ANKRD28: variants seen among roughly 807,000 people sequenced by gnomAD.
The protein encoded by ANKRD28 is ankyrin repeat domain 28.
A neutral mutation model predicts 126.5 loss-of-function variants in ANKRD28; 44 were observed. That is an observed-to-expected ratio of 0.35 (90% CI 0.27 to 0.45). ANKRD28 has a LOEUF of 0.45. Ranked by LOEUF, ANKRD28 falls within the 20% of genes least tolerant of loss-of-function variation. ANKRD28 has a pLI of 1.00. For synonymous variants in ANKRD28, 442 were observed against 468.5 expected, an observed-to-expected ratio of 0.94 and a Z score of 0.73; for missense variants, 1,110 against 1,316.6, an observed-to-expected ratio of 0.84 and a Z score of 2.43.
intron 4 of ANKRD28, among the ~76,000 whole-genome samples, chr3:15,740,433 G>C (rs763637381): frequency 6.6e-6 from 1 of 152,234 alleles, no homozygotes; most frequent in Non-Finnish European, 1.5e-5. Flanking sequence ...CAAAAATTAT[G>C]GAAAACAAGG....
intron 27 of ANKRD28, among the ~76,000 whole-genome samples, chr3:15,671,743 C>A (rs1432076776): frequency 2.0e-5 from 3 of 151,922 alleles, no homozygotes; most frequent in African/African-American, 4.8e-5. Flanking sequence ...GCCACCATGA[C>A]CAGCTAATTT....
rs575109590 is a variant in ANKRD28, at chr3:15,804,195, T to A, written c.28-8889A>T. Among the ~76,000 whole-genome samples, 43 of 131,064 alleles carry A rather than the reference T, an allele frequency of 3.3e-4. 2 individuals are homozygous for A. Among genetic ancestry groups the A allele is most frequent in the Non-Finnish European group, 6.0e-4 (37 of 61,328 alleles). The allele number at this position is 131,064 out of a possible 152,430, so 86.0% of individuals were successfully genotyped here. A position where few individuals can be genotyped will look rare whatever the true frequency, so the allele number is the denominator to read the frequency against. ...GCAACTTAAATAGGGCATTATGTCA[T>A]ACACGTAAAAATCTAACCAGTACAA... On this transcript the variant is annotated intron_variant, in intron 1 of 27. Transcript: ENST00000399451.
intron 18 of ANKRD28, 174 bp from the exon 19 acceptor site, chr3:15,686,483 C>T (rs1375830618): frequency 1.6e-6 from 1 of 615,978 alleles, no homozygotes; most frequent in Non-Finnish European, 2.8e-6. Context: ...ACTGTTAAAG[C>T]TGGAATAAAT....
At chr3:15,776,059 C>T (rs1261680347) in intron 2 of ANKRD28, among the ~76,000 whole-genome samples, 2 of 152,158 alleles carry the variant, frequency 1.3e-5, no homozygotes, top group Non-Finnish European at 2.9e-5. Flanking sequence ...AGACACTTAT[C>T]ACCCCAGAAA....
In ANKRD28 at chr3:15,669,685, A is replaced by C. The variant is rs2066172077; in HGVS notation, c.*585T>G. The C allele has an allele frequency of 6.6e-6, 1 of 152,564 alleles. No homozygotes were observed. The highest frequency in any genetic ancestry group is 2.4e-5 in the African/African-American group (1 of 41,420). 9.5% of individuals were successfully genotyped at this position (152,564 alleles called of 1,614,324 possible). ...TTTCAGATGTTTTCTTAAAAAAAAA[A>C]CAAAACCCAAAAAAACTCAACATTT... On this transcript the variant is annotated 3_prime_UTR_variant, in exon 28 of 28. Transcript: ENST00000683139.
At chr3:15,781,241 T>C (rs1020244751) in intron 2 of ANKRD28, among the ~76,000 whole-genome samples, 3 of 152,130 alleles carry the variant, frequency 2.0e-5, no homozygotes, top group Admixed American at 6.6e-5. Context: ...ATTTTAGGTG[T>C]CCATCTGACT....
chr3:15,734,257 T>A (rs1217478064), intron 6 of ANKRD28, among the ~76,000 whole-genome samples: 1 of 152,216 alleles, frequency 6.6e-6, no homozygotes, highest in African/African-American at 2.4e-5. Flanking sequence ...AGTTCTTGAG[T>A]TAATATTCCT....
In ANKRD28 at chr3:15,859,548, G is replaced by A. The variant is rs1213971925; in HGVS notation, c.-145C>T. ...GCGGCCGACTGCGCTGAGAAGACCT[G>A]CGGGCAGGGGGCGGCGCCGCCTCCC... On this transcript the variant is annotated 5_prime_UTR_variant, in exon 1 of 28. Transcript: ENST00000399451. 12 of 319,000 alleles carry A rather than the reference G, an allele frequency of 3.8e-5. 1 individual carries two copies. The highest frequency in any genetic ancestry group is 1.7e-4 in the East Asian group (2 of 12,096). The allele number at this position is 319,000 out of a possible 1,614,324, so 19.8% of individuals were successfully genotyped here. A position where few individuals can be genotyped will look rare whatever the true frequency, so the allele number is the denominator to read the frequency against.
chr3:15,685,903 G>A (rs1422102783), intron 20 of ANKRD28, 99 bp downstream of exon 20: 9 of 913,670 alleles, frequency 9.9e-6, no homozygotes, highest in Middle Eastern at 4.6e-4. Context: ...ACTATTTGAC[G>A]AACATTTAAT....
At chr3:15,801,154 G>T (rs1450060019), upstream of ANKRD28, among the ~76,000 whole-genome samples, 3 of 152,030 alleles carry the variant, frequency 2.0e-5, no homozygotes, top group Non-Finnish European at 2.9e-5. This position sits in a 1 kb window ranked among gnomAD's most constrained non-coding sequence, Gnocchi z 4.9. Context: ...AACTCTGACA[G>T]CTTTATAATC....
chr3:15,851,388 A>C (rs982227204), intron 1 of ANKRD28, among the ~76,000 whole-genome samples: 1 of 151,934 alleles, frequency 6.6e-6, no homozygotes, highest in Non-Finnish European at 1.5e-5. Context: ...CCAAAAATAA[A>C]AAAAAATTAG....
chr3:15,717,131 C>CTTTA (rs759485583), intron 8 of ANKRD28, among the ~76,000 whole-genome samples: 50 of 152,034 alleles, frequency 3.3e-4, no homozygotes, highest in South Asian at 2.5e-3. Context: ...GTGATGAGTC[C>CTTTA]TTTATTTATT....
Position 15,688,716 on chromosome 3 carries a change from T to C in ANKRD28, c.1963+1303A>G, listed in dbSNP as rs538645114. On this transcript the variant is annotated intron_variant, in intron 18 of 27. Coordinates refer to ENST00000683139, the MANE Select transcript of ANKRD28 (RefSeq NM_001349278.2). The stretch of plus-strand genomic sequence containing the variant: ...ATTCTTAAGGATCACTCTATAAAAA[T>C]AGAGAGTTGTGAATCTGCATCTGCC... Among the ~76,000 whole-genome samples, 7 of 152,246 alleles carry C rather than the reference T, an allele frequency of 4.6e-5. 1 individual carries two copies. The South Asian group carries it at 1.2e-3, about 27-fold the overall frequency.
intron 8 of ANKRD28, among the ~76,000 whole-genome samples, chr3:15,716,005 T>G (rs1407733914): frequency 6.6e-6 from 1 of 151,954 alleles, no homozygotes; most frequent in Non-Finnish European, 1.5e-5. Context: ...TTTTTTTTTT[T>G]TGAGACTTGC....
Position 15,838,919 on chromosome 3 carries a change from C to A in ANKRD28, c.27+20458G>T, listed in dbSNP as rs1467092784. Among the ~76,000 whole-genome samples, 143 of 152,274 alleles carry A rather than the reference C, an allele frequency of 9.4e-4. No homozygotes were observed. Among genetic ancestry groups the A allele is most frequent in the African/African-American group, 3.4e-3 (141 of 41,538 alleles). On this transcript the variant is annotated intron_variant, in intron 1 of 27. Coordinates refer to the ANKRD28 transcript ENST00000399451. This position sits in a 1 kb window ranked among gnomAD's most constrained non-coding sequence, Gnocchi z 4.0. ...TGTGATATATCCATACAATGGAATACTATTCAGCAACGAAGAACCAATTAA... is the reference window on the plus strand; with the variant it reads ...TGTGATATATCCATACAATGGAATAATATTCAGCAACGAAGAACCAATTAA...
At chr3:15,731,255 G>A (rs1383157925) in intron 6 of ANKRD28, among the ~76,000 whole-genome samples, 1 of 152,172 alleles carries the variant, frequency 6.6e-6, no homozygotes, top group Non-Finnish European at 1.5e-5. Context: ...ACTATTCTGG[G>A]AGCTCAACTA....
intron 3 of ANKRD28, among the ~76,000 whole-genome samples, chr3:15,757,540 C>T (rs1306727611): frequency 3.9e-5 from 6 of 152,092 alleles, no homozygotes; most frequent in Non-Finnish European, 5.9e-5. Context: ...TATTAGGAGG[C>T]GAGGTCTTTT....
At chr3:15,777,725 G>C (rs539716737) in intron 2 of ANKRD28, among the ~76,000 whole-genome samples, 19 of 152,182 alleles carry the variant, frequency 1.2e-4, no homozygotes, top group African/African-American at 4.6e-4. Context: ...ATGGAGAATG[G>C]TAGTATTCTC....
chr3:15,676,041 A>G (rs2066901742), intron 26 of ANKRD28, 52 bp from the exon 27 acceptor site: 21 of 1,403,000 alleles, frequency 1.5e-5, no homozygotes, highest in Non-Finnish European at 2.1e-5. Context: ...GCATGCACAT[A>G]CACATACACA....
Sources: allele counts gnomAD v4.1 joint callset (sites outside exome capture counted in the v4.1 genomes callset), GRCh38; gene constraint gnomAD v4.1.1; non-coding constraint Gnocchi (gnomAD v3.1); transcripts MANE v1.5; gene names NCBI Gene and HGNC (gene_info 2026-07-23, HGNC 2026-07-21).